Variants in ARID4A observed in about 807,000 individuals in gnomAD.
ARID4A encodes AT-rich interaction domain 4A.
Under a neutral mutation model 148.6 loss-of-function variants are expected in ARID4A, and 39 were observed. The observed-to-expected ratio is 0.26, with a 90% confidence interval of 0.20 to 0.34. The LOEUF (loss-of-function observed/expected upper bound fraction) is 0.34, where lower values mean the gene tolerates loss of function less well. ARID4A is among the 10% of genes least tolerant of loss of function. The probability of loss-of-function intolerance (pLI) is 1.00; values close to 1 mark genes in which losing one functional copy is unlikely to be tolerated. For synonymous variants in ARID4A, 475 were observed against 481.2 expected (o/e 0.99, Z 0.17); for missense variants, 1,265 against 1,449.1 (o/e 0.87, Z 2.06).
intron 22 of ARID4A, 22 bp from the exon 23 acceptor site, chr14:58,366,861 T>A (rs759213575): frequency 6.8e-7 from 1 of 1,471,768 alleles, no homozygotes; most frequent in Non-Finnish European, 9.0e-7. Flanking sequence ...AAATCCAAAT[T>A]AACTTCTTTC....
intron 5 of ARID4A, among the ~76,000 whole-genome samples, chr14:58,314,640 G>A (rs2032284535): frequency 6.6e-6 from 1 of 151,938 alleles, no homozygotes; most frequent in Non-Finnish European, 1.5e-5. Context: ...TGTTAGCCAG[G>A]CTGGTCTCCA....
Sources: allele counts gnomAD v4.1 joint callset (sites outside exome capture counted in the v4.1 genomes callset), GRCh38; gene constraint gnomAD v4.1.1; transcripts MANE v1.5; gene names NCBI Gene and HGNC (gene_info 2026-07-23, HGNC 2026-07-21).